The following TNRC6B variants were observed in gnomAD, a reference collection of about 807,000 sequenced individuals.
TNRC6B encodes trinucleotide repeat-containing gene 6B protein.
In TNRC6B, 52 loss-of-function variants were observed where a neutral mutation model predicts 203.6. The observed-to-expected ratio is 0.26, with a 90% CI of 0.20 to 0.32. The LOEUF (loss-of-function observed/expected upper bound fraction) is 0.32, where lower values mean the gene tolerates loss of function less well. Among genes scored for constraint, TNRC6B ranks in the 10% least tolerant of loss-of-function variants. The probability of loss-of-function intolerance (pLI) is 1.00; values close to 1 mark genes in which losing one functional copy is unlikely to be tolerated. For synonymous variants in TNRC6B, 838 were observed against 845.7 expected (o/e 0.99, Z 0.16); for missense variants, 1,923 against 2,286.2 (o/e 0.84, Z 3.24).
rs2071389289 is a variant in TNRC6B, at chr22:40,325,431, T to C, written c.*2190T>C. 6.6e-6 allele frequency: 1 copy of C among 152,598 alleles called. No individual in the cohort carries two copies. The allele number at this position is 152,598 out of a possible 1,614,324, so 9.5% of individuals were successfully genotyped here. On this transcript the variant is annotated 3_prime_UTR_variant, in exon 23 of 23. Coordinates refer to ENST00000454349, the MANE Select transcript of TNRC6B (RefSeq NM_001162501.2). ...ATTATAAACCTAGCCTCAAAAGAGA[T>C]TGACAGGCATGACTCAAGTGAGTGT...
chr22:40,273,806 A>G (rs533363477), intron 7 of TNRC6B, among the ~76,000 whole-genome samples: 12 of 152,106 alleles, frequency 7.9e-5, no homozygotes, highest in African/African-American at 2.9e-4. Context: ...AACTATCACC[A>G]TGCCTGGCTA....
chr22:40,305,444 C>G (rs757725622), intron 15 of TNRC6B, among the ~76,000 whole-genome samples: 1 of 152,136 alleles, frequency 6.6e-6, no homozygotes, highest in African/African-American at 2.4e-5. Context: ...TTTAGAGATA[C>G]GACAGCTTGT....
At chr22:40,046,404 A>G (rs1850958920) in intron 1 of TNRC6B, among the ~76,000 whole-genome samples, 1 of 152,266 alleles carries the variant, frequency 6.6e-6, no homozygotes, top group African/African-American at 2.4e-5. Context: ...AATACAAATC[A>G]GACTGGCTTG....
chr22:40,159,466 C>T (rs1016346111), intron 4 of TNRC6B, among the ~76,000 whole-genome samples: 2 of 150,344 alleles, frequency 1.3e-5, no homozygotes, highest in African/African-American at 4.9e-5. Flanking sequence ...GGTGAAACCC[C>T]GCCTCTAGTA....
rs563589305 is a variant in TNRC6B at position 40,264,459 on chromosome 22, G to A, written c.458-229G>A. 9.9e-5 allele frequency among the ~76,000 whole-genome samples: 15 copies of A among 152,266 alleles called. No homozygotes were observed. The East Asian group carries it at 2.9e-3, about 29-fold the overall frequency. Reference sequence around the variant, plus strand: ...AGGCCCTTCTCTGTCAATAGGAATGGCAAAGGACGTAGCTTTGAGAGAGAT... The same window carrying A: ...AGGCCCTTCTCTGTCAATAGGAATGACAAAGGACGTAGCTTTGAGAGAGAT... On this transcript the variant is annotated intron_variant, in intron 4 of 22. Transcript: ENST00000454349.
At chr22:40,300,865 A>G (rs757154278) in intron 13 of TNRC6B, 45 bp from the exon 14 acceptor site, 25 of 1,576,912 alleles carry the variant, frequency 1.6e-5, no homozygotes, top group East Asian at 2.3e-5. Flanking sequence ...CAGTAAATCA[A>G]TCTCAGGAAA....
upstream of TNRC6B, among the ~76,000 whole-genome samples, chr22:40,175,249 C>G (rs1354365757): frequency 6.6e-6 from 1 of 151,678 alleles, no homozygotes; most frequent in Non-Finnish European, 1.5e-5. Flanking sequence ...CCCAGCTACT[C>G]AGGAGGCTGA....
chr22:40,058,264 G>A (rs572695375), intron 1 of TNRC6B, among the ~76,000 whole-genome samples: 3 of 152,292 alleles, frequency 2.0e-5, no homozygotes, highest in African/African-American at 7.2e-5. Flanking sequence ...CGGTAAAAAA[G>A]GCTCTTGGTA....
intron 3 of TNRC6B, among the ~76,000 whole-genome samples, chr22:40,132,351 G>A (rs2068553079): frequency 1.3e-5 from 2 of 151,292 alleles, no homozygotes; most frequent in Admixed American, 6.6e-5. Context: ...GGGTGACAGT[G>A]TGAAACTCCA....
At chr22:40,257,098 A>T (rs755515372) in intron 3 of TNRC6B, among the ~76,000 whole-genome samples, 6 of 152,188 alleles carry the variant, frequency 3.9e-5, no homozygotes, top group Non-Finnish European at 8.8e-5. Context: ...TTCAGCCTAG[A>T]ATATCTTTTC....
Position 40,142,758 on chromosome 22 carries a change from T to C in TNRC6B, c.46-13357T>C, listed in dbSNP as rs117941537. ...TATTATACTGGTCTTGCCCATCCTA[T>C]AGTTGTATAATTGATTCTTTTGAAC... is the stretch of plus-strand genomic sequence containing the variant. On this transcript the variant is annotated intron_variant, in intron 3 of 23. Transcript: ENST00000301923. Among the ~76,000 whole-genome samples the C allele has an allele frequency of 4.4e-3, 669 of 152,302 alleles. 16 individuals are homozygous for C. The East Asian group carries it at 0.079, about 18-fold the overall frequency.
At position 40,329,060 on chromosome 22, in the gene TNRC6B, C is replaced by G. The variant is rs1001289255; in HGVS notation, c.*5819C>G. 9 of 151,940 alleles carry G rather than the reference C, an allele frequency of 5.9e-5. No homozygotes were observed. Among genetic ancestry groups the G allele is most frequent in the Non-Finnish European group, 1.3e-4 (9 of 67,902 alleles). The allele number at this position is 151,940 out of a possible 1,614,324, so 9.4% of individuals were successfully genotyped here. ...AAACAAAACAAAAAAAAGCCTTGTTCTTTAATTGTGTTTTTCCTCCTGTGA... is the reference window on the plus strand; with the variant it reads ...AAACAAAACAAAAAAAAGCCTTGTTGTTTAATTGTGTTTTTCCTCCTGTGA... On this transcript the variant is annotated 3_prime_UTR_variant, in exon 23 of 23. Transcript: ENST00000454349.
chr22:40,168,419 T>A (rs1367861710), intron 4 of TNRC6B, among the ~76,000 whole-genome samples: 1 of 152,184 alleles, frequency 6.6e-6, no homozygotes, highest in Non-Finnish European at 1.5e-5. Context: ...CGAGGTGCCT[T>A]GGAACACAGA....
intron 1 of TNRC6B, among the ~76,000 whole-genome samples, chr22:40,115,143 C>T (rs540561581): frequency 6.6e-6 from 1 of 152,254 alleles, no homozygotes; most frequent in East Asian, 1.9e-4. Context: ...CACTGCCAAG[C>T]AGGCTAGGGA....
intron 1 of TNRC6B, among the ~76,000 whole-genome samples, chr22:40,074,770 C>G (rs1216088044): frequency 6.6e-6 from 1 of 150,512 alleles, no homozygotes; most frequent in Non-Finnish European, 1.5e-5. Context: ...CAGAGCAAGA[C>G]TCCGTCTCCA....
intron 1 of TNRC6B, among the ~76,000 whole-genome samples, chr22:40,051,074 C>G (rs191948591): frequency 2.6e-4 from 39 of 152,280 alleles, no homozygotes; most frequent in African/African-American, 8.9e-4. Context: ...CCACCTGCCT[C>G]AGCCTCCCAA....
intron 2 of TNRC6B, among the ~76,000 whole-genome samples, chr22:40,248,077 GAAA>G (rs754161621): frequency 2.3e-5 from 3 of 132,030 alleles, no homozygotes; most frequent in Non-Finnish European, 3.3e-5. Context: ...CTTGTGTCTA[GAAA>G]AAAAAAAAAA....
In TNRC6B at chr22:40,334,422, A is replaced by G. The variant is rs1280993231; in HGVS notation, c.*11181A>G. On this transcript the variant is annotated 3_prime_UTR_variant, in exon 23 of 23. Transcript: ENST00000454349. ...CTGGGAGGAAAAAAATAAAAAGCAGATACAACAGCTCAACTGTTCCCACTC... is the reference window on the plus strand; with the variant it reads ...CTGGGAGGAAAAAAATAAAAAGCAGGTACAACAGCTCAACTGTTCCCACTC... 2 of 152,540 alleles carry G rather than the reference A, an allele frequency of 1.3e-5. No homozygotes were observed. Among genetic ancestry groups the G allele is most frequent in the Admixed American group, 6.6e-5 (1 of 15,264 alleles). 9.4% of individuals were successfully genotyped at this position (152,540 alleles called of 1,614,324 possible).
chr22:40,100,632 C>T (rs993259892), intron 1 of TNRC6B, among the ~76,000 whole-genome samples: 2 of 152,158 alleles, frequency 1.3e-5, no homozygotes, highest in African/African-American at 4.8e-5. Context: ...GCGATTCTCC[C>T]GCCTTGGCCT....
Sources: gnomAD v4.1 joint callset for allele counts (sites outside exome capture counted in the v4.1 genomes callset) on GRCh38, gnomAD v4.1.1 for gene constraint, MANE v1.5 for transcripts, NCBI Gene and HGNC (gene_info 2026-07-23, HGNC 2026-07-21) for gene names.